CACNA1G: variants seen among roughly 807,000 people sequenced by gnomAD.
The protein encoded by CACNA1G is voltage-dependent T-type calcium channel subunit alpha-1G.
In CACNA1G, 67 loss-of-function variants were observed where a neutral mutation model predicts 219.4. That is an observed-to-expected ratio of 0.31 (90% CI 0.25 to 0.37). CACNA1G has a LOEUF of 0.37. Among genes scored for constraint, CACNA1G ranks in the 10% least tolerant of loss-of-function variants. The pLI is 1.00. For missense variants in CACNA1G, 2,380 were observed against 3,231.4 expected, an observed-to-expected ratio of 0.74 and a Z score of 6.39; for synonymous variants, 1,296 against 1,345.3, an observed-to-expected ratio of 0.96 and a Z score of 0.80.
Position 50,575,917 on chromosome 17 carries a change from C to T in CACNA1G, c.1515C>T (p.Tyr505=), listed in dbSNP as rs1249746390. 6.4e-7 allele frequency: 1 copy of T among 1,558,420 alleles called. No individual in the cohort carries two copies. Among genetic ancestry groups the T allele is most frequent in the East Asian group, 2.4e-5 (1 of 41,760 alleles). The change falls in exon 8 of 38, where the codon TAC becomes TAT. Residue 505 remains tyrosine (Y), a synonymous_variant. Transcript: ENST00000359106. ...VHHHHHHHHH[Y]HLGNGTLRAP... is the part of the protein sequence containing the mutation. ...ACCACCACCACCATCACCACCACTA[C>T]CACCTGGGCAATGGGACGCTCAGGG...
Position 50,607,874 on chromosome 17 carries a change from C to A in CACNA1G, c.4560C>A (p.Phe1520Leu), listed in dbSNP as rs1193320253. The A allele has an allele frequency of 6.2e-7, 1 of 1,613,932 alleles. No homozygotes were observed. The highest frequency in any genetic ancestry group is 8.5e-7 in the Non-Finnish European group (1 of 1,179,920). Residue 1520 changes from phenylalanine to leucine, a missense_variant, in exon 25 of 38, where the codon TTC (phenylalanine) becomes TTA (leucine). Phe to Leu is a conservative substitution (Grantham distance 22). Coordinates refer to ENST00000359106, the MANE Select transcript of CACNA1G (RefSeq NM_018896.5). ...NPWMLLYFIS[F>L]LLIVAFFVLN... Reference sequence around the variant, plus strand: ...GGATGCTGCTGTACTTCATCTCGTTCCTGCTCATTGTGGCCTTCTTTGTCC... The same window carrying A: ...GGATGCTGCTGTACTTCATCTCGTTACTGCTCATTGTGGCCTTCTTTGTCC...
At position 50,600,610 on chromosome 17, in the gene CACNA1G, T is replaced by C. The variant is rs906731306; in HGVS notation, c.3691-116T>C. 4.4e-5 allele frequency: 36 copies of C among 820,674 alleles called. No individual in the cohort carries two copies. The highest frequency in any genetic ancestry group is 6.9e-5 in the Non-Finnish European group (34 of 489,342). The allele number at this position is 820,674 out of a possible 1,614,324, so 50.8% of individuals were successfully genotyped here. ...AAAGGAAGAGAGGCAGGGCAGAGCT[T>C]GGGCCCCAGGTGGGAGAGGGTAGAC... On this transcript the variant is annotated intron_variant, in intron 17 of 37. Coordinates refer to ENST00000359106, the MANE Select transcript of CACNA1G (RefSeq NM_018896.5). The surrounding 1 kb of genome is among the most constrained non-coding windows in gnomAD (Gnocchi z 4.1).
intron 9 of CACNA1G, among the ~76,000 whole-genome samples, chr17:50,587,093 G>C (rs1461794352): frequency 6.6e-6 from 1 of 152,234 alleles, no homozygotes; most frequent in African/African-American, 2.4e-5. Flanking sequence ...TGGCCAGTGA[G>C]GGGTGGCTGG....
intron 10 of CACNA1G, among the ~76,000 whole-genome samples, chr17:50,591,030 G>C (rs1429961902): frequency 6.6e-6 from 1 of 152,150 alleles, no homozygotes. Flanking sequence ...CCAGCAACTT[G>C]CTTTAGGGTT....
chr17:50,618,152 G>A lies in CACNA1G; in HGVS notation c.5305+26G>A. 3 of 1,613,456 alleles carry A rather than the reference G, an allele frequency of 1.9e-6. No individual in the cohort carries two copies. The highest frequency in any genetic ancestry group is 1.7e-6 in the Non-Finnish European group (2 of 1,179,580). On this transcript the variant is annotated intron_variant, in intron 31 of 37. Transcript: ENST00000359106. This position sits in a 1 kb window ranked among gnomAD's most constrained non-coding sequence, Gnocchi z 5.3. ...GTGAGTTGGGGTAGGGGAGGGTGGAGGAGCCAGGGCTGGAGACCAGGGGGC... is the reference window on the plus strand; with the variant it reads ...GTGAGTTGGGGTAGGGGAGGGTGGAAGAGCCAGGGCTGGAGACCAGGGGGC...
chr17:50,578,100 T>C lies in CACNA1G; in HGVS notation c.1925-88T>C. On this transcript the variant is annotated intron_variant, in intron 8 of 37. Coordinates refer to ENST00000359106, the MANE Select transcript of CACNA1G (RefSeq NM_018896.5). The surrounding 1 kb of genome is among the most constrained non-coding windows in gnomAD (Gnocchi z 4.5). ...CCCCATCACTGTAACAACCCCAGAC[T>C]CCCTGACTCATTTTACACATACTCA... The C allele has an allele frequency of 1.4e-6, 2 of 1,444,024 alleles. No individual in the cohort carries two copies. Among genetic ancestry groups the C allele is most frequent in the African/African-American group, 1.4e-5 (1 of 70,500 alleles). 89.5% of individuals were successfully genotyped at this position (1,444,024 alleles called of 1,614,324 possible).
At chr17:50,593,546 T>C (rs1169149639) in intron 13 of CACNA1G, among the ~76,000 whole-genome samples, 1 of 152,254 alleles carries the variant, frequency 6.6e-6, no homozygotes, top group Non-Finnish European at 1.5e-5. Flanking sequence ...GCCTGGTTGC[T>C]AGGCAACAGC....
At chr17:50,612,426 T>TAA (rs2049408192) in intron 26 of CACNA1G, among the ~76,000 whole-genome samples, 1 of 152,256 alleles carries the variant, frequency 6.6e-6, no homozygotes, top group African/African-American at 2.4e-5. Flanking sequence ...GTCATCAGGC[T>TAA]GCCCCACGGG....
At chr17:50,563,261 T>C (rs1421387773) in intron 1 of CACNA1G, 1 of 152,294 alleles carries the variant, frequency 6.6e-6, no homozygotes, top group African/African-American at 2.4e-5. Context: ...CCTTCTTCCT[T>C]TCTCTCTGAG....
At position 50,571,629 on chromosome 17, in the gene CACNA1G, T is replaced by C. The variant is rs972187070; in HGVS notation, c.587-249T>C. Among the ~76,000 whole-genome samples, 2 of 152,186 alleles carry C rather than the reference T, an allele frequency of 1.3e-5. No individual in the cohort carries two copies. The highest frequency in any genetic ancestry group is 6.5e-5 in the Admixed American group (1 of 15,282). On this transcript the variant is annotated intron_variant, in intron 4 of 37. Transcript: ENST00000359106. The surrounding 1 kb of genome is among the most constrained non-coding windows in gnomAD (Gnocchi z 4.3). ...GGGAGAGTTAGGAGGGGCCACAGTT[T>C]CCCCAGCTCACTGTTGGTGGTACTG...
intron 37 of CACNA1G, among the ~76,000 whole-genome samples, chr17:50,625,794 G>A (rs769531169): frequency 1.3e-5 from 2 of 152,184 alleles, no homozygotes; most frequent in Non-Finnish European, 2.9e-5. Context: ...GAGCATGGGG[G>A]AGGGAAGACA....
Position 50,617,425 on chromosome 17 carries a change from C to A in CACNA1G, c.5022-13C>A. The A allele has an allele frequency of 6.2e-7, 1 of 1,610,736 alleles. No individual in the cohort carries two copies. The highest frequency in any genetic ancestry group is 8.5e-7 in the Non-Finnish European group (1 of 1,177,718). On this transcript the variant is annotated splice_polypyrimidine_tract_variant and intron_variant, in intron 28 of 37. Transcript: ENST00000359106. This position sits in a 1 kb window ranked among gnomAD's most constrained non-coding sequence, Gnocchi z 5.8. ...CTCCCCCAACTCAGGGAGCTGTATT[C>A]TGGGCTTTCCAGGTGGAACCAGCTG...
In CACNA1G at chr17:50,626,241, T is replaced by C. The variant is rs773103686; in HGVS notation, c.6624T>C (p.Pro2208=). 17 of 1,613,476 alleles carry C rather than the reference T, an allele frequency of 1.1e-5. 2 individuals are homozygous for C. The Middle Eastern group carries it at 1.5e-3, about 140-fold the overall frequency. ...CAGAACCCAACTGGGGCAAGGGCCCTCCAGAGACCAGAAGCAGCTTAGAGT... is the reference window on the plus strand; with the variant it reads ...CAGAACCCAACTGGGGCAAGGGCCCCCCAGAGACCAGAAGCAGCTTAGAGT... ...PGPEPNWGKG[P]PETRSSLELD... The change falls in exon 38 of 38, where the codon CCT becomes CCC. Residue 2208 remains proline, a synonymous_variant. Transcript: ENST00000359106. This position sits in a 1 kb window ranked among gnomAD's most constrained non-coding sequence, Gnocchi z 4.3.
chr17:50,624,223 T>A (rs1422015892), intron 36 of CACNA1G, 137 bp from the exon 37 acceptor site: 1 of 1,260,902 alleles, frequency 7.9e-7, no homozygotes, highest in African/African-American at 1.5e-5. Context: ...GGAATGGCTT[T>A]GAGTCCAGGG....
At chr17:50,593,970 C>T (rs1214604066) in intron 13 of CACNA1G, among the ~76,000 whole-genome samples, 4 of 152,212 alleles carry the variant, frequency 2.6e-5, no homozygotes, top group African/African-American at 4.8e-5. Flanking sequence ...GGGGGCCCCA[C>T]GGTCTGGCAG....
intron 1 of CACNA1G, among the ~76,000 whole-genome samples, chr17:50,565,515 A>G (rs921737865): frequency 3.3e-5 from 5 of 152,104 alleles, no homozygotes; most frequent in African/African-American, 1.2e-4. Context: ...GGGTGAGGCA[A>G]GGACCTATCC....
chr17:50,569,393 A>G lies in CACNA1G; in HGVS notation c.488+95A>G, dbSNP rs966964237. On this transcript the variant is annotated intron_variant, in intron 3 of 37. Coordinates refer to ENST00000359106, the MANE Select transcript of CACNA1G (RefSeq NM_018896.5). Reference sequence around the variant, plus strand: ...GCCTGTGACCTCTCAGCTCCAGCCCAGTTACAGCACCACTTTCTCCCTGGC... The same window carrying G: ...GCCTGTGACCTCTCAGCTCCAGCCCGGTTACAGCACCACTTTCTCCCTGGC... The G allele has an allele frequency of 3.0e-6, 4 of 1,327,662 alleles. No homozygotes were observed. In the African/African-American group the frequency reaches 4.3e-5, roughly 14 times the overall value. 82.2% of individuals were successfully genotyped at this position (1,327,662 alleles called of 1,614,324 possible).
At chr17:50,624,324 T>TGCCCCCCCC in intron 36 of CACNA1G, 36 bp from the exon 37 acceptor site, 63 of 1,177,418 alleles carry the variant, frequency 5.4e-5, no homozygotes, top group Non-Finnish European at 7.2e-5. Context: ...CTCCATTCTC[T>TGCCCCCCCC]CCCCCCACCC....
chr17:50,576,174 C>A lies in CACNA1G; in HGVS notation c.1772C>A (p.Pro591His). 6.2e-7 allele frequency: 1 copy of A among 1,610,376 alleles called. No individual in the cohort carries two copies. Among genetic ancestry groups the A allele is most frequent in the South Asian group, 1.1e-5 (1 of 90,280 alleles). The change falls in exon 8 of 38, where the codon CCC (proline) becomes CAC (histidine). Residue 591 changes from proline to histidine, a missense_variant. Pro to His is a moderately conservative substitution (Grantham distance 77). Coordinates refer to ENST00000359106, the MANE Select transcript of CACNA1G (RefSeq NM_018896.5). ...GRTVGSGKVY[P>H]TVHTSPPPET... ...ACTGTGGGCAGCGGGAAGGTGTATC[C>A]CACCGTGCACACCAGCCCTCCACCG...
Sources: allele counts gnomAD v4.1 joint callset (sites outside exome capture counted in the v4.1 genomes callset), GRCh38; gene constraint gnomAD v4.1.1; non-coding constraint Gnocchi (gnomAD v3.1); transcripts MANE v1.5; gene names NCBI Gene and HGNC (gene_info 2026-07-23, HGNC 2026-07-21).